The following CCDC149 variants were observed in gnomAD, a reference collection of about 807,000 sequenced individuals.
CCDC149 encodes coiled-coil domain-containing protein 149.
CCDC149 carries 45 observed loss-of-function variants against 59.9 expected under a neutral mutation model. That is an observed-to-expected ratio of 0.75 (90% CI 0.59 to 0.96). The LOEUF is 0.96. CCDC149 is among the 40% of genes least tolerant of loss of function. The pLI is 0.00. For synonymous variants in CCDC149, 245 were observed against 260.6 expected (o/e 0.94, Z 0.58); for missense variants, 584 against 664.7 (o/e 0.88, Z 1.33).
chr4:24,809,864 C>T lies in CCDC149; in HGVS notation c.1193-1045G>A, dbSNP rs146507629. Among the ~76,000 whole-genome samples the T allele has an allele frequency of 3.7e-3, 556 of 152,300 alleles. 3 individuals carry two copies. The highest frequency in any genetic ancestry group is 0.011 in the African/African-American group (478 of 41,580). Reference sequence around the variant, plus strand: ...TATGTTTTCAGGCTGTAAGTTGGAACTTGGGGAGCTGGAGAACTGCAGCAG... The same window carrying T: ...TATGTTTTCAGGCTGTAAGTTGGAATTTGGGGAGCTGGAGAACTGCAGCAG... On this transcript the variant is annotated intron_variant, in intron 12 of 12. Transcript: ENST00000635206.
intron 4 of CCDC149, among the ~76,000 whole-genome samples, chr4:24,846,876 G>A (rs1217090377): frequency 6.6e-6 from 1 of 152,138 alleles, no homozygotes; most frequent in African/African-American, 2.4e-5. Flanking sequence ...TGTATTATTG[G>A]TCCTCTGCAT....
Position 24,813,489 on chromosome 4 carries a change from A to AATATATCTATATCTAT in CCDC149, c.1193-4671_1193-4670insATAGATATAGATATAT, listed in dbSNP as rs1186488610. 1.4e-3 allele frequency among the ~76,000 whole-genome samples: 154 copies of AATATATCTATATCTAT among 113,714 alleles called. 3 individuals are homozygous for AATATATCTATATCTAT. The highest frequency in any genetic ancestry group is 5.8e-3 in the African/African-American group (144 of 24,894). 74.6% of individuals were successfully genotyped at this position (113,714 alleles called of 152,430 possible). On this transcript the variant is annotated intron_variant, in intron 12 of 12. Coordinates refer to ENST00000635206, the MANE Select transcript of CCDC149 (RefSeq NM_001330643.2). ...TATATCCCCAAGGTTCAGCTTGGGG[A>AATATATCTATATCTAT]ATATATATATATATATATATATATA...
At chr4:24,915,046 G>C (rs571103012), upstream of CCDC149, among the ~76,000 whole-genome samples, 2 of 152,342 alleles carry the variant, frequency 1.3e-5, no homozygotes, top group South Asian at 4.1e-4. Flanking sequence ...CAGAAAAAAA[G>C]GTGGGGCTAG....
intron 1 of CCDC149, among the ~76,000 whole-genome samples, chr4:24,956,835 T>G (rs1723480630): frequency 6.6e-6 from 1 of 152,258 alleles, no homozygotes; most frequent in Non-Finnish European, 1.5e-5. Context: ...GCATACTTCA[T>G]TCACACTTGA....
chr4:24,976,550 C>A (rs1448147601), intron 1 of CCDC149, among the ~76,000 whole-genome samples: 1 of 151,954 alleles, frequency 6.6e-6, no homozygotes, highest in Non-Finnish European at 1.5e-5. Context: ...CCATCTCTAC[C>A]AAAAATACAA....
At chr4:24,932,902 C>A (rs1377327207) in intron 1 of CCDC149, among the ~76,000 whole-genome samples, 1 of 152,098 alleles carries the variant, frequency 6.6e-6, no homozygotes, top group Non-Finnish European at 1.5e-5. Context: ...GCCATCAGAG[C>A]AATGATCTGG....
intron 1 of CCDC149, among the ~76,000 whole-genome samples, chr4:24,963,182 G>A (rs1723693402): frequency 6.6e-6 from 1 of 152,050 alleles, no homozygotes; most frequent in African/African-American, 2.4e-5. Flanking sequence ...GCTGGGTGGT[G>A]TTAGCAAGGC....
At chr4:24,916,265 A>C (rs1722116377), upstream of CCDC149, among the ~76,000 whole-genome samples, 1 of 152,212 alleles carries the variant, frequency 6.6e-6, no homozygotes, top group South Asian at 2.1e-4. Flanking sequence ...GTTAGAAGAA[A>C]GTACTTAGTT....
rs148638105 is a variant in CCDC149, at chr4:24,919,774, G to A, written c.-64-24656C>T. On this transcript the variant is annotated intron_variant, in intron 1 of 12. Coordinates refer to the CCDC149 transcript ENST00000389609. ...TAGTGTTGTCACCTCCACCATGGGC[G>A]GATTGGGCCAGATGATCTTGAAGGC... Among the ~76,000 whole-genome samples, 16 of 152,316 alleles carry A rather than the reference G, an allele frequency of 1.1e-4. No individual in the cohort carries two copies. The East Asian group carries it at 1.4e-3, about 13-fold the overall frequency.
intron 1 of CCDC149, among the ~76,000 whole-genome samples, chr4:24,972,849 C>T (rs373824951): frequency 9.2e-5 from 14 of 152,326 alleles, no homozygotes; most frequent in Middle Eastern, 3.4e-3. Context: ...GCATCTGTAA[C>T]GAATCTCTGT....
At chr4:24,976,542 A>G (rs1724204744) in intron 1 of CCDC149, among the ~76,000 whole-genome samples, 1 of 152,104 alleles carries the variant, frequency 6.6e-6, no homozygotes, top group Non-Finnish European at 1.5e-5. Context: ...GTGACACTCC[A>G]TCTCTACCAA....
chr4:24,867,824 G>A (rs1185136766), intron 3 of CCDC149, among the ~76,000 whole-genome samples: 2 of 152,210 alleles, frequency 1.3e-5, no homozygotes, highest in East Asian at 3.8e-4. Context: ...AAACAAACAG[G>A]AGAAGAGCCC....
intron 3 of CCDC149, among the ~76,000 whole-genome samples, chr4:24,864,954 G>C (rs1217100181): frequency 6.6e-6 from 1 of 152,156 alleles, no homozygotes; most frequent in African/African-American, 2.4e-5. Flanking sequence ...GGTGTACACG[G>C]GGTTCCTGGA....
At chr4:24,831,303 C>A in intron 9 of CCDC149, 1 of 576,066 alleles carries the variant, frequency 1.7e-6, no homozygotes, top group Non-Finnish European at 3.1e-6. Flanking sequence ...TGGCTGGTAC[C>A]CTTTCCTTGC....
At chr4:24,951,088 C>T (rs772911701) in intron 1 of CCDC149, among the ~76,000 whole-genome samples, 3 of 152,232 alleles carry the variant, frequency 2.0e-5, no homozygotes. Flanking sequence ...CACAGGAAAT[C>T]GCTACCTGCA....
At chr4:24,844,018 C>T (rs1297700507) in intron 4 of CCDC149, among the ~76,000 whole-genome samples, 3 of 152,146 alleles carry the variant, frequency 2.0e-5, no homozygotes, top group African/African-American at 4.8e-5. Context: ...GTCCAGAACC[C>T]GCTTCTTTTG....
intron 1 of CCDC149, among the ~76,000 whole-genome samples, chr4:24,897,264 C>T (rs552868579): frequency 1.3e-5 from 2 of 152,284 alleles, no homozygotes; most frequent in African/African-American, 2.4e-5. Flanking sequence ...TGTGTGGCAG[C>T]ATGCGCTTCA....
intron 2 of CCDC149, 151 bp from the exon 3 acceptor site, chr4:24,873,870 C>T (rs1274495485): frequency 5.1e-6 from 3 of 587,798 alleles, no homozygotes; most frequent in Non-Finnish European, 8.7e-6. Context: ...CTCAAATATA[C>T]TTTAAAAAAA....
At chr4:24,858,492 G>A (rs904935219) in intron 3 of CCDC149, among the ~76,000 whole-genome samples, 8 of 152,178 alleles carry the variant, frequency 5.3e-5, no homozygotes, top group Admixed American at 1.3e-4. Flanking sequence ...AGTGGGATAC[G>A]TGTAGAATCC....
Sources: gnomAD v4.1 joint callset for allele counts (sites outside exome capture counted in the v4.1 genomes callset) on GRCh38, gnomAD v4.1.1 for gene constraint, MANE v1.5 for transcripts, NCBI Gene and HGNC (gene_info 2026-07-23, HGNC 2026-07-21) for gene names.